USP34: variants seen among roughly 807,000 people sequenced by gnomAD.
USP34 encodes ubiquitin specific peptidase 34.
Under a neutral mutation model 460.3 loss-of-function variants are expected in USP34, and 70 were observed. That is an observed-to-expected ratio of 0.15 (90% CI 0.13 to 0.19). The LOEUF (loss-of-function observed/expected upper bound fraction) is 0.19. Ranked by LOEUF, USP34 falls within the 10% of genes least tolerant of loss-of-function variation. USP34 has a pLI of 1.00. For synonymous variants in USP34, 1,647 were observed against 1,405.3 expected, an observed-to-expected ratio of 1.17 and a Z score of -3.85; for missense variants, 3,985 against 4,236.2, an observed-to-expected ratio of 0.94 and a Z score of 1.65.
At chr2:61,220,501 G>C (rs752479187) in intron 66 of USP34, 44 bp from the exon 67 acceptor site, 1 of 1,521,418 alleles carries the variant, frequency 6.6e-7, no homozygotes, top group African/African-American at 1.4e-5. Flanking sequence ...CCAACTGAAT[G>C]AGCAATTACT....
intron 34 of USP34, among the ~76,000 whole-genome samples, chr2:61,286,558 G>C (rs1435037713): frequency 1.3e-5 from 2 of 152,042 alleles, no homozygotes; most frequent in Admixed American, 6.5e-5. Flanking sequence ...TGGAGGCTGA[G>C]GTAGTAAAAC....
At chr2:61,298,779 T>TAAA (rs201811039) in intron 29 of USP34, among the ~76,000 whole-genome samples, 1 of 146,652 alleles carries the variant, frequency 6.8e-6, no homozygotes, top group Non-Finnish European at 1.5e-5. Flanking sequence ...AATGATGGAT[T>TAAA]AAAAAAAAAA....
chr2:61,428,166 A>C lies in USP34; in HGVS notation c.44-7333T>G, dbSNP rs1445268038. ...AGCAACAAGAGCAAAACTCCGTCAC[A>C]AAAAAAAAAAAAAAACTTCCAAATC... On this transcript the variant is annotated intron_variant, in intron 1 of 79. Coordinates refer to ENST00000398571, the MANE Select transcript of USP34 (RefSeq NM_014709.4). Among the ~76,000 whole-genome samples, 25 of 95,856 alleles carry C rather than the reference A, an allele frequency of 2.6e-4. No homozygotes were observed. The Admixed American group carries it at 2.9e-3, about 11-fold the overall frequency. The allele number at this position is 95,856 out of a possible 152,430, so 62.9% of individuals were successfully genotyped here.
intron 33 of USP34, 66 bp from the exon 34 acceptor site, chr2:61,288,943 T>G (rs759690749): frequency 5.1e-5 from 78 of 1,526,994 alleles, no homozygotes; most frequent in Non-Finnish European, 6.9e-5. Flanking sequence ...AATACAATTT[T>G]GAAATTAAAA....
chr2:61,317,549 A>C, intron 23 of USP34, 105 bp downstream of exon 23: 1 of 963,462 alleles, frequency 1.0e-6, no homozygotes, highest in Non-Finnish European at 1.6e-6. Context: ...ACTGCACTGC[A>C]CAGGTAGTAA....
Position 61,268,970 on chromosome 2 carries a change from G to C in USP34, c.5434-2803C>G, listed in dbSNP as rs1311350544. Among the ~76,000 whole-genome samples the C allele has an allele frequency of 2.0e-5, 3 of 151,280 alleles. No individual in the cohort carries two copies. The East Asian group carries it at 5.8e-4, about 29-fold the overall frequency. ...AAATGTAATGTAATAACTAAATATA[G>C]AAGAAATTTAAGACAATATCATGTA... On this transcript the variant is annotated intron_variant, in intron 41 of 79. Transcript: ENST00000398571.
rs774572967 is a variant in USP34, at chr2:61,256,368, AT to A, written c.6221+15del. ...CTACGGTGAACATAATAAAAATCAC[AT>A]TTGAAAAAGCATACCTTTTTTCAGC... On this transcript the variant is annotated intron_variant, in intron 48 of 79. Coordinates refer to ENST00000398571, the MANE Select transcript of USP34 (RefSeq NM_014709.4). The A allele has an allele frequency of 6.3e-7, 1 of 1,597,548 alleles. No individual in the cohort carries two copies. Among genetic ancestry groups the A allele is most frequent in the South Asian group, 1.1e-5 (1 of 90,038 alleles).
chr2:61,203,846 A>G (rs1687040107), intron 74 of USP34, among the ~76,000 whole-genome samples: 1 of 152,080 alleles, frequency 6.6e-6, no homozygotes, highest in Non-Finnish European at 1.5e-5. Context: ...AAAAATGATG[A>G]CAAATCTATC....
At chr2:61,443,725 T>C (rs1438968619) in intron 1 of USP34, among the ~76,000 whole-genome samples, 1 of 152,188 alleles carries the variant, frequency 6.6e-6, no homozygotes, top group Non-Finnish European at 1.5e-5. Flanking sequence ...GTGAAACTAC[T>C]TTGTACGACA....
At chr2:61,383,122 TA>T (rs929606416) in intron 6 of USP34, 146 bp downstream of exon 6, 1 of 462,570 alleles carries the variant, frequency 2.2e-6, no homozygotes, top group Non-Finnish European at 3.8e-6. Flanking sequence ...TATATGTGCA[TA>T]AAAAACACTA....
chr2:61,267,056 G>C (rs1406777454), intron 41 of USP34, among the ~76,000 whole-genome samples: 1 of 152,142 alleles, frequency 6.6e-6, no homozygotes, highest in Non-Finnish European at 1.5e-5. Flanking sequence ...GAACGTTCTT[G>C]GTATACAATA....
At chr2:61,202,678 A>C (rs1301822097) in intron 75 of USP34, among the ~76,000 whole-genome samples, 1 of 152,048 alleles carries the variant, frequency 6.6e-6, no homozygotes, top group Non-Finnish European at 1.5e-5. Flanking sequence ...TTACCTCCTA[A>C]TTACTCATAT....
chr2:61,219,397 G>A (rs1687493547), intron 67 of USP34, among the ~76,000 whole-genome samples: 3 of 152,282 alleles, frequency 2.0e-5, no homozygotes, highest in South Asian at 4.1e-4. Context: ...TGGGCCAGGT[G>A]CGGTGGCTCA....
rs181042082 is a variant in USP34, at chr2:61,308,813, G to A, written c.3817+2727C>T. ...ACCAGCACTTTGGGAGGCCTAAGTG[G>A]GCAGAAAGCTTGAGCTCAAGAGTTT... On this transcript the variant is annotated intron_variant, in intron 27 of 79. Coordinates refer to ENST00000398571, the MANE Select transcript of USP34 (RefSeq NM_014709.4). 2.6e-5 allele frequency among the ~76,000 whole-genome samples: 4 copies of A among 152,212 alleles called. No individual in the cohort carries two copies. The East Asian group carries it at 7.7e-4, about 29-fold the overall frequency.
chr2:61,223,141 A>G lies in USP34; in HGVS notation c.7668T>C (p.His2556=). ...GGKGFPFLFQ[H]IRDGINIRQT... Reference sequence around the variant, plus strand: ...GTCTTATATTGATGCCATCACGAATATGTTGAAACAAGAAGGGAAATCCCT... The same window carrying G: ...GTCTTATATTGATGCCATCACGAATGTGTTGAAACAAGAAGGGAAATCCCT... Residue 2556 remains histidine (H), a synonymous_variant, in exon 64 of 80, where the codon CAT becomes CAC. Transcript: ENST00000398571. 6.2e-7 allele frequency: 1 copy of G among 1,614,024 alleles called. No homozygotes were observed. Among genetic ancestry groups the G allele is most frequent in the South Asian group, 1.1e-5 (1 of 91,042 alleles).
intron 5 of USP34, among the ~76,000 whole-genome samples, chr2:61,391,528 C>T (rs1693346463): frequency 6.6e-6 from 1 of 152,182 alleles, no homozygotes; most frequent in Non-Finnish European, 1.5e-5. Flanking sequence ...TTACAAACGG[C>T]TGCCCTAAAA....
Position 61,470,801 on chromosome 2 carries a change from CG to C in USP34, c.-110del. On this transcript the variant is annotated 5_prime_UTR_variant, in exon 1 of 80. Coordinates refer to ENST00000398571, the MANE Select transcript of USP34 (RefSeq NM_014709.4). ...GGAGGGGGCCGGCCGGCCGGCGGGG[CG>C]GGGAGGCGACTAGGGCGGGCGGCGG... The C allele has an allele frequency of 2.2e-6, 1 of 463,926 alleles. No individual in the cohort carries two copies. Among genetic ancestry groups the C allele is most frequent in the Non-Finnish European group, 3.2e-6 (1 of 314,614 alleles). The allele number at this position is 463,926 out of a possible 1,614,324, so 28.7% of individuals were successfully genotyped here. A position where few individuals can be genotyped will look rare whatever the true frequency, so the allele number is the denominator to read the frequency against.
At chr2:61,401,963 C>A (rs1397505170) in intron 3 of USP34, among the ~76,000 whole-genome samples, 1 of 151,382 alleles carries the variant, frequency 6.6e-6, no homozygotes, top group Non-Finnish European at 1.5e-5. Flanking sequence ...AAAAATGCAA[C>A]TAGCATGGCA....
chr2:61,319,220 G>T lies in USP34; in HGVS notation c.3121C>A (p.Gln1041Lys). The T allele has an allele frequency of 6.3e-7, 1 of 1,590,600 alleles. No homozygotes were observed. The highest frequency in any genetic ancestry group is 8.5e-7 in the Non-Finnish European group (1 of 1,173,066). The change falls in exon 22 of 80, where the codon CAA (glutamine) becomes AAA (lysine). Residue 1041 changes from glutamine to lysine, a missense_variant. By Grantham distance (53) the Gln-to-Lys change is moderately conservative (BLOSUM62 1). Transcript: ENST00000398571. The part of the protein sequence containing the change: ...WFLNQVRSKD[Q>K]HAMGMETYKH... ...TAGGTTTCCATACCCATAGCATGTT[G>T]ATCTTTACTTCGAACTTGATTTAAA...
Sources: gnomAD v4.1 joint callset for allele counts (sites outside exome capture counted in the v4.1 genomes callset) on GRCh38, gnomAD v4.1.1 for gene constraint, MANE v1.5 for transcripts, NCBI Gene and HGNC (gene_info 2026-07-23, HGNC 2026-07-21) for gene names.